Variants in MAML2 observed in about 807,000 individuals in gnomAD.
MAML2 encodes the protein mastermind-like protein 2.
A neutral mutation model predicts 96.1 loss-of-function variants in MAML2; 22 were observed. The observed-to-expected ratio is 0.23, with a 90% CI of 0.16 to 0.33. The LOEUF (loss-of-function observed/expected upper bound fraction) is 0.33. MAML2 is among the 10% of genes least tolerant of loss of function. The pLI is 1.00. For synonymous variants in MAML2, 561 were observed against 521.3 expected, an observed-to-expected ratio of 1.08 and a Z score of -1.04; for missense variants, 1,367 against 1,392.4, an observed-to-expected ratio of 0.98 and a Z score of 0.29.
intron 1 of MAML2, among the ~76,000 whole-genome samples, chr11:96,125,024 G>C (rs1339800144): frequency 6.6e-6 from 1 of 152,090 alleles, no homozygotes; most frequent in African/African-American, 2.4e-5. Context: ...TATCACATGA[G>C]AGTCATTTTA....
chr11:96,222,028 GT>G (rs1215662787), intron 1 of MAML2, among the ~76,000 whole-genome samples: 2 of 151,808 alleles, frequency 1.3e-5, no homozygotes, highest in African/African-American at 4.8e-5. Flanking sequence ...GTAATCTTTG[GT>G]TTCCTTCTAG....
At chr11:96,263,434 A>G (rs1004295513) in intron 1 of MAML2, among the ~76,000 whole-genome samples, 6 of 152,248 alleles carry the variant, frequency 3.9e-5, no homozygotes, top group Non-Finnish European at 7.3e-5. Context: ...TTATTTCACA[A>G]TAATATGTTC....
intron 1 of MAML2, among the ~76,000 whole-genome samples, chr11:96,139,696 C>T (rs184729442): frequency 6.6e-6 from 1 of 152,152 alleles, no homozygotes; most frequent in African/African-American, 2.4e-5. Context: ...TTTACCTACT[C>T]ATAATCATTT....
chr11:96,136,263 G>A (rs1326732669), intron 1 of MAML2, among the ~76,000 whole-genome samples: 8 of 149,650 alleles, frequency 5.3e-5, no homozygotes, highest in East Asian at 3.9e-4. Context: ...AGAATGAGCC[G>A]CATAATTGCT....
intron 1 of MAML2, among the ~76,000 whole-genome samples, chr11:96,235,099 C>G (rs1434562233): frequency 6.6e-6 from 1 of 152,110 alleles, no homozygotes; most frequent in African/African-American, 2.4e-5. Flanking sequence ...TAATTAATAG[C>G]ACCCTCTGGA....
chr11:96,324,583 A>T (rs975657076), intron 1 of MAML2, among the ~76,000 whole-genome samples: 1 of 152,218 alleles, frequency 6.6e-6, no homozygotes, highest in African/African-American at 2.4e-5. Context: ...GAAATACAAA[A>T]ATAAATAAGA....
intron 1 of MAML2, among the ~76,000 whole-genome samples, chr11:96,275,081 T>C (rs1313627349): frequency 6.6e-6 from 1 of 152,112 alleles, no homozygotes; most frequent in Non-Finnish European, 1.5e-5. Context: ...TGTATCATAA[T>C]ATATTTAATA....
intron 2 of MAML2, among the ~76,000 whole-genome samples, chr11:96,089,286 T>G (rs1396331966): frequency 6.6e-6 from 1 of 152,128 alleles, no homozygotes; most frequent in Non-Finnish European, 1.5e-5. Context: ...ACAACGAGAA[T>G]CAGAAGAACC....
intron 1 of MAML2, among the ~76,000 whole-genome samples, chr11:96,162,816 G>A (rs1565233939): frequency 6.6e-6 from 1 of 152,176 alleles, no homozygotes; most frequent in Non-Finnish European, 1.5e-5. Context: ...TCTGAGGAGG[G>A]CTCTTTCCTA....
At chr11:96,236,101 A>G (rs977124774) in intron 1 of MAML2, among the ~76,000 whole-genome samples, 3 of 152,262 alleles carry the variant, frequency 2.0e-5, no homozygotes, top group Non-Finnish European at 4.4e-5. Flanking sequence ...AATTCATGAC[A>G]AAGGCGAAAC....
intron 1 of MAML2, among the ~76,000 whole-genome samples, chr11:96,096,080 T>C (rs1275475173): frequency 6.6e-6 from 1 of 152,192 alleles, no homozygotes; most frequent in Non-Finnish European, 1.5e-5. Context: ...TCAGCATAAA[T>C]TGCATTTTGA....
chr11:96,053,115 C>T (rs367881783), intron 2 of MAML2, among the ~76,000 whole-genome samples: 24 of 152,302 alleles, frequency 1.6e-4, no homozygotes, highest in East Asian at 1.2e-3. Context: ...AGGTGTCTTC[C>T]CTTGAGAAAT....
intron 1 of MAML2, among the ~76,000 whole-genome samples, chr11:96,228,364 G>T (rs919963966): frequency 2.6e-5 from 4 of 152,136 alleles, no homozygotes; most frequent in Non-Finnish European, 5.9e-5. Flanking sequence ...CTTCATGCTA[G>T]CACCCAGTTC....
At chr11:96,266,766 C>T (rs747962194) in intron 1 of MAML2, among the ~76,000 whole-genome samples, 1 of 152,142 alleles carries the variant, frequency 6.6e-6, no homozygotes, top group African/African-American at 2.4e-5. Flanking sequence ...GCTTCCTGTG[C>T]TATGACAGGC....
At chr11:96,279,472 A>C (rs528254510) in intron 1 of MAML2, among the ~76,000 whole-genome samples, 2 of 152,280 alleles carry the variant, frequency 1.3e-5, no homozygotes, top group South Asian at 4.1e-4. Flanking sequence ...GAAGTATTTT[A>C]TGTCTTGTAA....
chr11:96,273,326 A>AT (rs946208346), intron 1 of MAML2, among the ~76,000 whole-genome samples: 2 of 151,662 alleles, frequency 1.3e-5, no homozygotes, highest in South Asian at 4.2e-4. Context: ...CTTGAAACGT[A>AT]TTTTTTTTTA....
intron 1 of MAML2, among the ~76,000 whole-genome samples, chr11:96,241,845 A>T (rs1862442210): frequency 6.6e-6 from 1 of 152,206 alleles, no homozygotes; most frequent in Non-Finnish European, 1.5e-5. Context: ...ATTTTAGAAA[A>T]TATCTAAGTA....
chr11:96,100,943 A>G (rs1859918801), intron 1 of MAML2, among the ~76,000 whole-genome samples: 1 of 151,850 alleles, frequency 6.6e-6, no homozygotes, highest in Non-Finnish European at 1.5e-5. Flanking sequence ...ATGGAGTCTC[A>G]CTATGTTGCC....
chr11:96,234,503 A>G (rs913307999), intron 1 of MAML2, among the ~76,000 whole-genome samples: 2 of 152,156 alleles, frequency 1.3e-5, no homozygotes, highest in Non-Finnish European at 2.9e-5. Context: ...AAATAAATAA[A>G]CACATACATA....
Sources: allele counts gnomAD v4.1 joint callset (sites outside exome capture counted in the v4.1 genomes callset), GRCh38; gene constraint gnomAD v4.1.1; transcripts MANE v1.5; gene names NCBI Gene and HGNC (gene_info 2026-07-23, HGNC 2026-07-21).